ANK3: variants seen among roughly 807,000 people sequenced by gnomAD.
ANK3 encodes ankyrin 3, also known as ankyrin-3.
ANK3 carries 57 observed loss-of-function variants against 370.9 expected under a neutral mutation model. The ratio of observed to expected loss-of-function variants is 0.15; its 90% CI spans 0.12 to 0.19. The LOEUF (loss-of-function observed/expected upper bound fraction) is 0.19. ANK3 is among the 10% of genes least tolerant of loss of function. The pLI is 1.00. For synonymous variants in ANK3, 1,929 were observed against 1,946.3 expected (o/e 0.99, Z 0.23); for missense variants, 4,439 against 5,302.1 (o/e 0.84, Z 5.06).
chr10:60,413,316 T>G (rs999635146), intron 2 of ANK3, among the ~76,000 whole-genome samples: 4 of 152,242 alleles, frequency 2.6e-5, no homozygotes, highest in Non-Finnish European at 5.9e-5. Flanking sequence ...AATATGAAAC[T>G]GTGGGCTACC....
intron 1 of ANK3, among the ~76,000 whole-genome samples, chr10:60,702,475 G>T (rs867763825): frequency 6.6e-6 from 1 of 152,042 alleles, no homozygotes; most frequent in Non-Finnish European, 1.5e-5. Flanking sequence ...TATATACTGT[G>T]GGATAAATCC....
At chr10:60,366,692 G>A (rs564048778) in intron 1 of ANK3, among the ~76,000 whole-genome samples, 2 of 152,248 alleles carry the variant, frequency 1.3e-5, no homozygotes, top group Admixed American at 6.5e-5. Flanking sequence ...AGGATTCAGA[G>A]TAACTTGGTA....
At chr10:60,252,413 T>A (rs761877323) in intron 7 of ANK3, among the ~76,000 whole-genome samples, 1 of 152,118 alleles carries the variant, frequency 6.6e-6, no homozygotes, top group Admixed American at 6.5e-5. Context: ...ATGGGGGAAA[T>A]AAAAATTCTA....
chr10:60,389,621 A>G lies in ANK3; in HGVS notation c.-83T>C. ...CTCAGGCACCTCTAATCAGGCTTAC[A>G]GCAGCATTCCAATCACTAGAGAGAA... On this transcript the variant is annotated 5_prime_UTR_variant, in exon 1 of 44. Coordinates refer to ENST00000280772, the MANE Select transcript of ANK3 (RefSeq NM_020987.5). The G allele has an allele frequency of 6.4e-7, 1 of 1,564,448 alleles. No homozygotes were observed. The highest frequency in any genetic ancestry group is 1.2e-5 in the South Asian group (1 of 82,474).
intron 43 of ANK3, among the ~76,000 whole-genome samples, chr10:60,038,103 G>T (rs975004247): frequency 4.6e-5 from 7 of 152,182 alleles, no homozygotes; most frequent in Non-Finnish European, 1.0e-4. Flanking sequence ...CTTTTGAAAA[G>T]TGTCTGTGCG....
intron 8 of ANK3, among the ~76,000 whole-genome samples, chr10:60,226,240 CTAT>C (rs1319517114): frequency 8.7e-6 from 1 of 114,418 alleles, no homozygotes. Context: ...TGTATATATA[CTAT>C]ATTATATAGT....
chr10:60,310,226 C>A (rs1440278687), intron 1 of ANK3, among the ~76,000 whole-genome samples: 2 of 152,152 alleles, frequency 1.3e-5, no homozygotes, highest in African/African-American at 4.8e-5. Context: ...TGCCATACTG[C>A]AGTTTTTTAA....
chr10:60,207,480 C>T (rs1190334790), intron 10 of ANK3, among the ~76,000 whole-genome samples: 2 of 152,110 alleles, frequency 1.3e-5, no homozygotes, highest in Non-Finnish European at 2.9e-5. Flanking sequence ...TACCATCTTG[C>T]TGAGAAAACC....
intron 1 of ANK3, among the ~76,000 whole-genome samples, chr10:60,283,194 C>T (rs1370695395): frequency 2.6e-5 from 4 of 152,102 alleles, no homozygotes; most frequent in Admixed American, 1.3e-4. Context: ...ACCAATTTTG[C>T]CCATAGAGAA....
chr10:60,297,687 T>G (rs7074145), intron 1 of ANK3, among the ~76,000 whole-genome samples: 95,161 of 151,848 alleles, frequency 0.63, 29,967 homozygotes, highest in South Asian at 0.79. Flanking sequence ...AAATTCTTTT[T>G]GGTCTTACAG....
At position 60,114,339 on chromosome 10, in the gene ANK3, AT is replaced by A. The variant is rs1482061489; in HGVS notation, c.2842-9del. The A allele has an allele frequency of 7.9e-6, 12 of 1,521,230 alleles. No homozygotes were observed. The highest frequency in any genetic ancestry group is 1.1e-5 in the Non-Finnish European group (12 of 1,103,860). 94.2% of individuals were successfully genotyped at this position (1,521,230 alleles called of 1,614,324 possible). On this transcript the variant is annotated splice_polypyrimidine_tract_variant and intron_variant, in intron 25 of 43. Coordinates refer to ENST00000280772, the MANE Select transcript of ANK3 (RefSeq NM_020987.5). The stretch of plus-strand genomic sequence containing the variant: ...CCTTGTGAATGTTAGATGCTGAAAA[AT>A]AAAATGGTAAATTAAATTACATCAA...
chr10:60,205,687 A>G, intron 11 of ANK3, 105 bp downstream of exon 11: 1 of 799,342 alleles, frequency 1.3e-6, no homozygotes, highest in Non-Finnish European at 2.2e-6. Context: ...TATGGCCATG[A>G]TATGCAAACA....
intron 2 of ANK3, among the ~76,000 whole-genome samples, chr10:60,610,167 T>C (rs2078181514): frequency 6.6e-6 from 1 of 152,164 alleles, no homozygotes; most frequent in Admixed American, 6.6e-5. Context: ...TCATTAAATA[T>C]TTACGAAGCA....
At chr10:60,139,647 A>G (rs2132210466) in intron 23 of ANK3, 1 of 153,174 alleles carries the variant, frequency 6.5e-6, no homozygotes, top group South Asian at 2.1e-4. Context: ...CAATTTTGAA[A>G]TGCTTCTAAA....
chr10:60,363,400 T>C (rs968994755), intron 1 of ANK3, among the ~76,000 whole-genome samples: 3 of 152,164 alleles, frequency 2.0e-5, no homozygotes, highest in Non-Finnish European at 4.4e-5. Context: ...GCTAAAGACA[T>C]TCCTAACAAA....
intron 1 of ANK3, chr10:60,684,424 T>C (rs1192386549): frequency 5.2e-6 from 4 of 773,584 alleles, no homozygotes; most frequent in South Asian, 1.8e-5. Flanking sequence ...GTCAATCTTA[T>C]AGTTGGATCA....
At chr10:60,687,594 C>T (rs1284451410) in intron 1 of ANK3, among the ~76,000 whole-genome samples, 2 of 151,982 alleles carry the variant, frequency 1.3e-5, no homozygotes, top group Non-Finnish European at 1.5e-5. Context: ...GAAACTGATG[C>T]CCTTGCACAC....
intron 23 of ANK3, among the ~76,000 whole-genome samples, chr10:60,149,356 GT>G (rs1291075080): frequency 1.3e-5 from 2 of 152,128 alleles, no homozygotes; most frequent in Non-Finnish European, 1.5e-5. Flanking sequence ...CTACAGGGTG[GT>G]TACATTAGGA....
chr10:60,464,927 G>T (rs1310277614), intron 2 of ANK3, among the ~76,000 whole-genome samples: 1 of 152,096 alleles, frequency 6.6e-6, no homozygotes, highest in African/African-American at 2.4e-5. Flanking sequence ...AATGTTTCAG[G>T]ACTCTATTTT....
Sources: allele counts gnomAD v4.1 joint callset (sites outside exome capture counted in the v4.1 genomes callset), GRCh38; gene constraint gnomAD v4.1.1; transcripts MANE v1.5; gene names NCBI Gene and HGNC (gene_info 2026-07-23, HGNC 2026-07-21).